The following NEBL variants were observed in gnomAD, a reference collection of about 807,000 sequenced individuals.
The protein encoded by NEBL is LIM and SH3 protein 2.
A neutral mutation model predicts 140.2 loss-of-function variants in NEBL; 122 were observed. That is an observed-to-expected ratio of 0.87 (90% CI 0.75 to 1.01). NEBL has a LOEUF of 1.01. NEBL is among the 50% of genes least tolerant of loss of function. The probability of loss-of-function intolerance (pLI) is 0.00; values close to 1 mark genes in which losing one functional copy is unlikely to be tolerated. For synonymous variants in NEBL, 436 were observed against 398.9 expected (o/e 1.09, Z -1.11); for missense variants, 1,365 against 1,231.3 (o/e 1.11, Z -1.62).
At chr10:21,200,252 C>T (rs1347857474) in intron 3 of NEBL, among the ~76,000 whole-genome samples, 1 of 149,836 alleles carries the variant, frequency 6.7e-6, no homozygotes, top group African/African-American at 2.5e-5. Flanking sequence ...CAGCTGACTA[C>T]ATCTATTGAC....
chr10:20,785,511 A>G lies in NEBL; in HGVS notation c.*236T>C, dbSNP rs1163866952. ...CCAATCAAAGGAAACCATGAACACA[A>G]TTAGCAGCACCAGGTGTCCAGACAC... On this transcript the variant is annotated 3_prime_UTR_variant, in exon 28 of 28. Transcript: ENST00000377122. 3.6e-6 allele frequency: 2 copies of G among 558,358 alleles called. No homozygotes were observed. Among genetic ancestry groups the G allele is most frequent in the Non-Finnish European group, 6.4e-6 (2 of 313,260 alleles). The allele number at this position is 558,358 out of a possible 1,614,324, so 34.6% of individuals were successfully genotyped here. A position where few individuals can be genotyped will look rare whatever the true frequency, so the allele number is the denominator to read the frequency against.
Position 20,845,320 on chromosome 10 carries a change from G to A in NEBL, c.1165C>T (p.Leu389=), listed in dbSNP as rs767682181. 2 of 1,606,352 alleles carry A rather than the reference G, an allele frequency of 1.2e-6. No homozygotes were observed. Among genetic ancestry groups the A allele is most frequent in the Non-Finnish European group, 1.7e-6 (2 of 1,173,524 alleles). ...FEKEIKGRSS[L]DLDKTPEFLH... ...AATTCTGGAGTCTTGTCTAAATCCA[G>A]TGATGACCTTCCTTTAATCTCCTTC... The change falls in exon 12 of 28, where the codon CTG becomes TTG. Residue 389 remains leucine, a synonymous_variant. Transcript: ENST00000377122.
rs971087315 is a variant in NEBL, at chr10:20,852,608, A to G, written c.945T>C (p.Tyr315=). The change falls in exon 10 of 28, where the codon TAT becomes TAC. Residue 315 remains tyrosine, a synonymous_variant. Coordinates refer to ENST00000377122, the MANE Select transcript of NEBL (RefSeq NM_006393.3). ...GTTCCACAGCATCTGCATCAAAATG[A>G]TACATTCCTTTGTTTTCCTCAAAGA... ...KKLFEENKGM[Y]HFDADAVEHL... 6.2e-7 allele frequency: 1 copy of G among 1,613,932 alleles called. No individual in the cohort carries two copies. Among genetic ancestry groups the G allele is most frequent in the Non-Finnish European group, 8.5e-7 (1 of 1,179,934 alleles).
Position 21,100,237 on chromosome 10 carries a change from T to C in NEBL, c.164+72146A>G, listed in dbSNP as rs182027908. Among the ~76,000 whole-genome samples, 5 of 152,312 alleles carry C rather than the reference T, an allele frequency of 3.3e-5. No homozygotes were observed. In the East Asian group the frequency reaches 9.7e-4, roughly 29 times the overall value. ...GCATTTACTAAGCGTGTGTGGGATG[T>C]GTGGTACCCGACCATTCCCCACCAT... On this transcript the variant is annotated intron_variant, in intron 2 of 6. Transcript: ENST00000417816.
chr10:20,869,901 G>T, intron 5 of NEBL, 60 bp from the exon 6 acceptor site: 1 of 1,055,752 alleles, frequency 9.5e-7, no homozygotes, highest in Non-Finnish European at 1.5e-6. Flanking sequence ...ATAGCTACTA[G>T]TCTTAGTGTT....
chr10:21,072,076 C>T (rs1157516616), intron 2 of NEBL, among the ~76,000 whole-genome samples: 1 of 152,114 alleles, frequency 6.6e-6, no homozygotes, highest in African/African-American at 2.4e-5. Context: ...CCTCAACCTC[C>T]CAAAATGCTG....
intron 26 of NEBL, among the ~76,000 whole-genome samples, chr10:20,793,656 C>T (rs917435985): frequency 6.6e-6 from 1 of 151,764 alleles, no homozygotes; most frequent in Admixed American, 6.6e-5. Flanking sequence ...CAGGCTCAAG[C>T]GATCCTCCCA....
intron 2 of NEBL, among the ~76,000 whole-genome samples, chr10:21,074,557 A>C (rs540306016): frequency 3.4e-5 from 5 of 147,160 alleles, no homozygotes; most frequent in Admixed American, 1.4e-4. Context: ...GGCTCACTGC[A>C]ACCTCTTCCT....
chr10:21,006,257 C>T (rs905242564), intron 3 of NEBL, among the ~76,000 whole-genome samples: 3 of 152,126 alleles, frequency 2.0e-5, no homozygotes, highest in Admixed American at 6.5e-5. Flanking sequence ...CTTGTACTTA[C>T]GCTTTCTATG....
chr10:21,125,227 TAC>T lies in NEBL; in HGVS notation c.164+47154_164+47155del, dbSNP rs59284447. Among the ~76,000 whole-genome samples, 1,169 of 147,702 alleles carry T rather than the reference TAC, an allele frequency of 7.9e-3. 12 individuals are homozygous for T. Among genetic ancestry groups the T allele is most frequent in the African/African-American group, 0.026 (1,018 of 39,580 alleles). ...ACGCACACACATGCACACATGCATA[TAC>T]ACACACACACACACACACACAGCCA... On this transcript the variant is annotated intron_variant, in intron 2 of 6. Transcript: ENST00000417816.
intron 2 of NEBL, among the ~76,000 whole-genome samples, chr10:21,051,162 G>A (rs1834763349): frequency 6.6e-6 from 1 of 152,156 alleles, no homozygotes; most frequent in Non-Finnish European, 1.5e-5. Context: ...ACCTCAACCT[G>A]ACTATGACCA....
At chr10:20,959,812 A>T (rs1376799963) in intron 4 of NEBL, among the ~76,000 whole-genome samples, 1 of 152,054 alleles carries the variant, frequency 6.6e-6, no homozygotes, top group African/African-American at 2.4e-5. Context: ...TGTCTAAGTT[A>T]CATGCTTTTA....
chr10:20,871,381 T>C (rs954864354), intron 5 of NEBL, among the ~76,000 whole-genome samples: 23 of 152,196 alleles, frequency 1.5e-4, no homozygotes, highest in African/African-American at 5.3e-4. Context: ...CTGGGTAATA[T>C]TCATATATCT....
At chr10:20,987,535 A>G (rs1227548170) in intron 3 of NEBL, among the ~76,000 whole-genome samples, 3 of 151,952 alleles carry the variant, frequency 2.0e-5, no homozygotes, top group African/African-American at 7.3e-5. Context: ...TCTCCCAAAC[A>G]CTATATCCTC....
At chr10:20,998,432 C>T (rs544415661) in intron 3 of NEBL, among the ~76,000 whole-genome samples, 7 of 152,186 alleles carry the variant, frequency 4.6e-5, no homozygotes, top group African/African-American at 1.7e-4. Flanking sequence ...TTATTGTTTC[C>T]AATAACTCAT....
chr10:20,923,369 G>A (rs990330734), intron 4 of NEBL, among the ~76,000 whole-genome samples: 5 of 151,968 alleles, frequency 3.3e-5, no homozygotes, highest in African/African-American at 4.8e-5. Flanking sequence ...ACCTGGCCAC[G>A]TATTCATATT....
At chr10:20,889,579 T>C (rs920973090) in intron 3 of NEBL, among the ~76,000 whole-genome samples, 3 of 152,110 alleles carry the variant, frequency 2.0e-5, no homozygotes, top group Non-Finnish European at 4.4e-5. Context: ...AAAGATGCCT[T>C]TTCAAGAGGA....
At chr10:21,243,298 C>CTT (rs34974511) in intron 3 of NEBL, among the ~76,000 whole-genome samples, 30 of 122,558 alleles carry the variant, frequency 2.4e-4, no homozygotes, top group South Asian at 5.3e-4. Flanking sequence ...ATTGAGCATT[C>CTT]TTTTTTTTTT....
intron 3 of NEBL, among the ~76,000 whole-genome samples, chr10:20,980,316 G>GTT (rs11377677): frequency 2.7e-5 from 4 of 149,172 alleles, no homozygotes; most frequent in African/African-American, 9.9e-5. Flanking sequence ...ACATAAAAAA[G>GTT]TTTTTTTTGT....
Sources: allele counts gnomAD v4.1 joint callset (sites outside exome capture counted in the v4.1 genomes callset), GRCh38; gene constraint gnomAD v4.1.1; transcripts MANE v1.5; gene names NCBI Gene and HGNC (gene_info 2026-07-23, HGNC 2026-07-21).